Variants in NOA1 observed in about 807,000 individuals in gnomAD.
NOA1 encodes nitric oxide associated 1.
NOA1 carries 35 observed loss-of-function variants against 58.4 expected under a neutral mutation model. The ratio of observed to expected loss-of-function variants is 0.60; its 90% confidence interval spans 0.46 to 0.79. The LOEUF is 0.79. NOA1 is among the 30% of genes least tolerant of loss of function. The pLI, the probability that NOA1 is intolerant of heterozygous loss-of-function variation, is 0.00. For synonymous variants in NOA1, 397 were observed against 373.4 expected (o/e 1.06, Z -0.73); for missense variants, 895 against 894.6 (o/e 1.00, Z -0.01).
At chr4:56,968,666 T>C (rs1293386121) in intron 3 of NOA1, 151 bp from the exon 4 acceptor site, 6 of 633,002 alleles carry the variant, frequency 9.5e-6, no homozygotes, top group Non-Finnish European at 1.6e-5. Context: ...CAAATTTATA[T>C]AGATTCTTCC....
rs146945780 is a variant in NOA1, at chr4:56,963,516, A to G, written c.2031T>C (p.Tyr677=). The G allele has an allele frequency of 7.5e-4, 1,218 of 1,614,102 alleles. 6 individuals carry two copies. Among genetic ancestry groups the G allele is most frequent in the Non-Finnish European group, 6.3e-4 (743 of 1,180,022 alleles). ...KGQRIKKSVA[Y]KTKKPPSLMY... Reference sequence around the variant, plus strand: ...TAAGGGAAGGAGGCTTCTTGGTTTTATAGGCCACACTTTTCTTGATGCGCT... The same window carrying G: ...TAAGGGAAGGAGGCTTCTTGGTTTTGTAGGCCACACTTTTCTTGATGCGCT... The change falls in exon 7 of 7, where the codon TAT becomes TAC. Residue 677 remains tyrosine (Y), a synonymous_variant. Coordinates refer to ENST00000264230, the MANE Select transcript of NOA1 (RefSeq NM_032313.4).
chr4:56,974,785 T>C (rs1721871153), intron 1 of NOA1, among the ~76,000 whole-genome samples: 1 of 151,500 alleles, frequency 6.6e-6, no homozygotes, highest in Admixed American at 6.6e-5. Context: ...TGATCTTGGC[T>C]CAGCCTCCCA....
chr4:56,969,114 G>A (rs1486653831), intron 3 of NOA1, among the ~76,000 whole-genome samples: 1 of 152,126 alleles, frequency 6.6e-6, no homozygotes, highest in African/African-American at 2.4e-5. Context: ...TTATCCCTAT[G>A]ATTTATAATA....
chr4:56,966,698 G>A lies in NOA1; in HGVS notation c.1686C>T (p.Asn562=), dbSNP rs759478058. ...QSAWFTVVAS[N]ILPVHITSLD... is the part of the protein sequence containing the mutation. The stretch of plus-strand genomic sequence containing the variant: ...AGGAGGTGATATGCACAGGGAGGAT[G>A]TTGGAAGCCACGACTGTAAACCAAG... The change falls in exon 5 of 7, where the codon AAC becomes AAT. Residue 562 remains asparagine (N), a synonymous_variant. Coordinates refer to ENST00000264230, the MANE Select transcript of NOA1 (RefSeq NM_032313.4). 1 of 1,613,850 alleles carries A rather than the reference G, an allele frequency of 6.2e-7. No homozygotes were observed. The highest frequency in any genetic ancestry group is 8.5e-7 in the Non-Finnish European group (1 of 1,179,758).
At chr4:56,969,791 C>G (rs1578539200) in intron 3 of NOA1, among the ~76,000 whole-genome samples, 1 of 151,614 alleles carries the variant, frequency 6.6e-6, no homozygotes, top group Non-Finnish European at 1.5e-5. Context: ...GAGTTTTTTT[C>G]TTTTTTTGAG....
rs1411720584 is a variant in NOA1 at position 56,966,670 on chromosome 4, C to T, written c.1714G>A (p.Asp572Asn). 6.2e-7 allele frequency: 1 copy of T among 1,613,804 alleles called. No individual in the cohort carries two copies. The highest frequency in any genetic ancestry group is 1.7e-5 in the Admixed American group (1 of 59,986). ...NILPVHITSL[D>N]RADALYQKHA... ...TTCTGATACAGAGCGTCTGCCCTGT[C>T]CAAGGAGGTGATATGCACAGGGAGG... The change falls in exon 5 of 7, where the codon GAC (aspartate) becomes AAC (asparagine). Residue 572 changes from aspartate to asparagine, a missense_variant. Asp to Asn is a conservative substitution (Grantham distance 23, BLOSUM62 1). Transcript: ENST00000264230.
chr4:56,974,082 ATTTTTGAG>A, intron 1 of NOA1, 60 bp from the exon 2 acceptor site: 2 of 1,070,552 alleles, frequency 1.9e-6, no homozygotes, highest in South Asian at 1.7e-5. Flanking sequence ...GAAAATGAAC[ATTTTTGAG>A]GATCTACACT....
At chr4:56,975,833 C>G (rs1290549894) in intron 1 of NOA1, among the ~76,000 whole-genome samples, 3 of 151,842 alleles carry the variant, frequency 2.0e-5, no homozygotes, top group South Asian at 4.2e-4. Flanking sequence ...CCACTGCACT[C>G]TAGCCTGGGC....
chr4:56,967,274 C>T (rs1053187575), intron 4 of NOA1, among the ~76,000 whole-genome samples: 3 of 150,708 alleles, frequency 2.0e-5, no homozygotes, highest in Non-Finnish European at 4.4e-5. Flanking sequence ...CGACTACTTG[C>T]GGGGCTGGGG....
chr4:56,976,627 G>A lies in NOA1; in HGVS notation c.959C>T (p.Thr320Ile). The A allele has an allele frequency of 6.2e-7, 1 of 1,614,232 alleles. No homozygotes were observed. The highest frequency in any genetic ancestry group is 1.1e-5 in the South Asian group (1 of 91,092). The change falls in exon 1 of 7, where the codon ACC becomes ATC. Residue 320 changes from threonine (T) to isoleucine (I), a missense_variant. Transcript: ENST00000264230. ...GATCAACTCTTCCACTCCATAGCCGGTCTTGGCGCTGATCAGCCGCACGTC... is the reference window on the plus strand; with the variant it reads ...GATCAACTCTTCCACTCCATAGCCGATCTTGGCGCTGATCAGCCGCACGTC... The part of the protein sequence containing the change: ...VRDVRLISAK[T>I]GYGVEELISA...
chr4:56,966,398 A>T (rs1168896593), intron 5 of NOA1, among the ~76,000 whole-genome samples: 1 of 151,938 alleles, frequency 6.6e-6, no homozygotes, highest in Admixed American at 6.5e-5. Context: ...CAAATTGGAC[A>T]GTGTAGTCTA....
intron 6 of NOA1, 41 bp downstream of exon 6, chr4:56,964,365 C>G (rs756250073): frequency 4.3e-6 from 7 of 1,612,628 alleles, no homozygotes; most frequent in Non-Finnish European, 5.1e-6. Flanking sequence ...CCGTGCCTGC[C>G]CTTTTATTCA....
chr4:56,964,350 AG>A, intron 6 of NOA1, 55 bp downstream of exon 6: 1 of 1,607,482 alleles, frequency 6.2e-7, no homozygotes, highest in South Asian at 1.1e-5. Flanking sequence ...TACAGGTGTG[AG>A]CCACCGTGCC....
chr4:56,973,352 TC>T lies in NOA1; in HGVS notation c.1310del (p.Gly437GlufsTer45). On this transcript the variant is annotated frameshift_variant and splice_region_variant, in exon 3 of 7. Coordinates refer to ENST00000264230, the MANE Select transcript of NOA1 (RefSeq NM_032313.4). LOFTEE classifies it high-confidence loss of function. Reference sequence around the variant, plus strand: ...AATACAAGAATGTCCTTCCAACTCTTCCTAGAACAAGTTATAGTAAGGTTAT... The same window carrying T: ...AATACAAGAATGTCCTTCCAACTCTTCTAGAACAAGTTATAGTAAGGTTAT... ...NVLKKHGYVV[G>X]RVGRTFLYSE... 6.2e-7 allele frequency: 1 copy of T among 1,613,100 alleles called. No individual in the cohort carries two copies. Among genetic ancestry groups the T allele is most frequent in the Non-Finnish European group, 8.5e-7 (1 of 1,179,094 alleles).
chr4:56,974,651 C>A (rs1265773845), intron 1 of NOA1, among the ~76,000 whole-genome samples: 3 of 143,918 alleles, frequency 2.1e-5, no homozygotes, highest in Non-Finnish European at 4.5e-5. Flanking sequence ...GCCTCTGTCT[C>A]AAAAAAAAAA....
Position 56,963,367 on chromosome 4 carries a change from T to C in NOA1, c.*83A>G, listed in dbSNP as rs1721640890. The C allele has an allele frequency of 8.5e-7, 1 of 1,170,250 alleles. No individual in the cohort carries two copies. 72.5% of individuals were successfully genotyped at this position (1,170,250 alleles called of 1,614,324 possible). A position where few individuals can be genotyped will look rare whatever the true frequency, so the allele number is the denominator to read the frequency against. On this transcript the variant is annotated 3_prime_UTR_variant, in exon 7 of 7. Coordinates refer to ENST00000264230, the MANE Select transcript of NOA1 (RefSeq NM_032313.4). ...AAAAAGGGTAAGAATGGGAGCTTTA[T>C]TTATGCGTTATATGTTTAATACAAA...
intron 4 of NOA1, among the ~76,000 whole-genome samples, chr4:56,966,972 T>C (rs904645977): frequency 1.3e-5 from 2 of 152,226 alleles, no homozygotes; most frequent in African/African-American, 4.8e-5. Context: ...ACAGACCCAA[T>C]ACTATTTTTG....
intron 5 of NOA1, among the ~76,000 whole-genome samples, chr4:56,965,338 A>T (rs1046894662): frequency 2.0e-5 from 3 of 152,038 alleles, no homozygotes; most frequent in South Asian, 2.1e-4. Flanking sequence ...TCATTAGCAA[A>T]TCTCTCCTGT....
At chr4:56,971,948 G>T (rs1721818875) in intron 3 of NOA1, among the ~76,000 whole-genome samples, 1 of 151,524 alleles carries the variant, frequency 6.6e-6, no homozygotes, top group African/African-American at 2.4e-5. Flanking sequence ...GAGTGCAGTG[G>T]CACGATCTCA....
Sources: gnomAD v4.1 joint callset for allele counts (sites outside exome capture counted in the v4.1 genomes callset) on GRCh38, gnomAD v4.1.1 for gene constraint, MANE v1.5 for transcripts, NCBI Gene and HGNC (gene_info 2026-07-23, HGNC 2026-07-21) for gene names.